Variants in ADAMTS19 observed in about 807,000 individuals in gnomAD.
The protein encoded by ADAMTS19 is ADAM metallopeptidase with thrombospondin type 1 motif 19.
ADAMTS19 carries 93 observed loss-of-function variants against 153.3 expected under a neutral mutation model. The ratio of observed to expected loss-of-function variants is 0.61; its 90% CI spans 0.51 to 0.72. The LOEUF is 0.72. Ranked by LOEUF, ADAMTS19 falls within the 30% of genes least tolerant of loss-of-function variation. The pLI is 0.00. For synonymous variants in ADAMTS19, 600 were observed against 556.6 expected (o/e 1.08, Z -1.10); for missense variants, 1,482 against 1,552.1 (o/e 0.95, Z 0.76).
chr5:129,479,214 A>G (rs1391409365), intron 2 of ADAMTS19, among the ~76,000 whole-genome samples: 1 of 152,216 alleles, frequency 6.6e-6, no homozygotes, highest in Non-Finnish European at 1.5e-5. Flanking sequence ...TCAGAGATAT[A>G]TAACACATTC....
intron 6 of ADAMTS19, among the ~76,000 whole-genome samples, chr5:129,544,908 C>T (rs546609495): frequency 6.6e-6 from 1 of 152,226 alleles, no homozygotes; most frequent in Admixed American, 6.5e-5. Flanking sequence ...GTATTCATTA[C>T]CATGAATCTG....
rs573833596 is a variant in ADAMTS19, at chr5:129,469,731, C to A, written c.747+7974C>A. On this transcript the variant is annotated intron_variant, in intron 2 of 22. Transcript: ENST00000274487. Reference sequence around the variant, plus strand: ...CAAGGTGTTTACAGTTTTGAAGGAACCATTTTCTTTGTCTCAACTTTTTAT... The same window carrying A: ...CAAGGTGTTTACAGTTTTGAAGGAAACATTTTCTTTGTCTCAACTTTTTAT... 2.0e-5 allele frequency among the ~76,000 whole-genome samples: 3 copies of A among 152,250 alleles called. No homozygotes were observed. The South Asian group carries it at 6.2e-4, about 32-fold the overall frequency.
In ADAMTS19 at chr5:129,574,430, A is replaced by G. The variant is rs78371402; in HGVS notation, c.1373-22129A>G. ...CTAAGTTCCCTCCCCTCGCACCCCA[A>G]TCCCTCGACAGGCCTTGGTGTGTGT... On this transcript the variant is annotated intron_variant, in intron 7 of 22. Transcript: ENST00000274487. Among the ~76,000 whole-genome samples the G allele has an allele frequency of 1.9e-3, 282 of 151,972 alleles. 1 individual carries two copies. The highest frequency in any genetic ancestry group is 6.6e-3 in the African/African-American group (275 of 41,454).
chr5:129,543,513 T>C (rs2126803954), intron 6 of ADAMTS19, among the ~76,000 whole-genome samples: 1 of 152,334 alleles, frequency 6.6e-6, no homozygotes, highest in Middle Eastern at 3.4e-3. Flanking sequence ...ACATTATGTC[T>C]ACTGTGTTTT....
intron 2 of ADAMTS19, among the ~76,000 whole-genome samples, chr5:129,488,415 C>T (rs1294681141): frequency 6.6e-6 from 1 of 152,022 alleles, no homozygotes; most frequent in Non-Finnish European, 1.5e-5. Context: ...ACACATCAGC[C>T]CAGGTCCTCA....
chr5:129,622,224 A>C lies in ADAMTS19; in HGVS notation c.1646A>C (p.Gln549Pro). The C allele has an allele frequency of 1.9e-6, 3 of 1,614,106 alleles. No individual in the cohort carries two copies. The highest frequency in any genetic ancestry group is 2.5e-6 in the Non-Finnish European group (3 of 1,179,980). ...LRSKASNCLL[Q>P]TNPQSVNSVM... The stretch of plus-strand genomic sequence containing the variant: ...TCAAAGGCCAGTAACTGCTTGCTAC[A>C]AACAAATCCGCAGAGTGTCAATTCT... Residue 549 changes from glutamine (Q) to proline (P), a missense_variant, in exon 10 of 23, where the codon CAA (glutamine) becomes CCA (proline). Physicochemically the swap from Gln to Pro is moderately conservative, Grantham distance 76 (BLOSUM62 -1). Transcript: ENST00000274487.
intron 2 of ADAMTS19, among the ~76,000 whole-genome samples, chr5:129,466,136 C>T (rs1490372017): frequency 3.3e-5 from 5 of 152,058 alleles, no homozygotes; most frequent in Admixed American, 2.6e-4. Context: ...CAGAGCTTAC[C>T]CAGGCCTGTG....
At chr5:129,598,832 T>C (rs146242760) in intron 8 of ADAMTS19, among the ~76,000 whole-genome samples, 1 of 152,268 alleles carries the variant, frequency 6.6e-6, no homozygotes, top group African/African-American at 2.4e-5. Context: ...TATCCCCAAA[T>C]CCATGCATAT....
chr5:129,697,928 T>TA (rs1561655505), intron 19 of ADAMTS19, among the ~76,000 whole-genome samples: 1 of 152,254 alleles, frequency 6.6e-6, no homozygotes, highest in Non-Finnish European at 1.5e-5. Flanking sequence ...CTTTTTCTGA[T>TA]ACATCAGGAA....
chr5:129,505,454 A>G (rs1751240851), intron 2 of ADAMTS19, among the ~76,000 whole-genome samples: 1 of 152,174 alleles, frequency 6.6e-6, no homozygotes, highest in Non-Finnish European at 1.5e-5. Context: ...CTTGAATTTG[A>G]ATAAATGAAC....
chr5:129,598,954 A>C (rs1052605763), intron 8 of ADAMTS19, among the ~76,000 whole-genome samples: 1 of 152,128 alleles, frequency 6.6e-6, no homozygotes, highest in South Asian at 2.1e-4. Context: ...TTTAGTTTTT[A>C]AAAAATTGCC....
intron 10 of ADAMTS19, among the ~76,000 whole-genome samples, chr5:129,632,223 A>C (rs1423432658): frequency 6.6e-6 from 1 of 151,668 alleles, no homozygotes; most frequent in African/African-American, 2.4e-5. Context: ...TAAAATATAA[A>C]CTCTCTATTT....
At chr5:129,578,173 CCT>C (rs1372032243) in intron 7 of ADAMTS19, among the ~76,000 whole-genome samples, 2 of 61,588 alleles carry the variant, frequency 3.2e-5, no homozygotes, top group African/African-American at 1.1e-4. Context: ...CGTACATATA[CCT>C]ATATGCATGT....
rs1165639324 is a variant in ADAMTS19, at chr5:129,614,693, A to G, written c.1479-5925A>G. ...GTTGGAAGTTCTGGCCAGGGCAATC[A>G]GGCAGGAGAAAGAAATAAAGGGTAT... On this transcript the variant is annotated intron_variant, in intron 8 of 22. Coordinates refer to ENST00000274487, the MANE Select transcript of ADAMTS19 (RefSeq NM_133638.6). Among the ~76,000 whole-genome samples the G allele has an allele frequency of 2.6e-5, 4 of 152,116 alleles. No homozygotes were observed. In the East Asian group the frequency reaches 7.7e-4, roughly 29 times the overall value.
intron 15 of ADAMTS19, among the ~76,000 whole-genome samples, chr5:129,663,244 T>C (rs911664332): frequency 6.6e-6 from 1 of 152,168 alleles, no homozygotes; most frequent in African/African-American, 2.4e-5. Flanking sequence ...TGTTAAAAAC[T>C]ATGACCATCA....
chr5:129,624,524 G>T (rs1480697477), intron 10 of ADAMTS19, among the ~76,000 whole-genome samples: 1 of 152,112 alleles, frequency 6.6e-6, no homozygotes, highest in Non-Finnish European at 1.5e-5. Context: ...TGTCACTGGA[G>T]CATTGCACAG....
At chr5:129,507,105 C>T (rs895751637) in intron 2 of ADAMTS19, among the ~76,000 whole-genome samples, 1 of 151,766 alleles carries the variant, frequency 6.6e-6, no homozygotes, top group African/African-American at 2.4e-5. Flanking sequence ...ATGTTTATAA[C>T]CTGGTTGAAA....
chr5:129,470,597 C>A (rs562962743), intron 2 of ADAMTS19, among the ~76,000 whole-genome samples: 1 of 152,274 alleles, frequency 6.6e-6, no homozygotes, highest in African/African-American at 2.4e-5. Context: ...CTTAGCCATT[C>A]CAGTGCTACA....
chr5:129,577,600 C>G (rs1484675821), intron 7 of ADAMTS19, among the ~76,000 whole-genome samples: 3 of 151,998 alleles, frequency 2.0e-5, no homozygotes, highest in Admixed American at 2.0e-4. Context: ...AAAGAATGTT[C>G]CAGGCAAAGT....
Sources: gnomAD v4.1 joint callset for allele counts (sites outside exome capture counted in the v4.1 genomes callset) on GRCh38, gnomAD v4.1.1 for gene constraint, MANE v1.5 for transcripts, NCBI Gene and HGNC (gene_info 2026-07-23, HGNC 2026-07-21) for gene names.